Variants in RASA1 observed in about 807,000 individuals in gnomAD.
RASA1 encodes ras GTPase-activating protein 1.
A neutral mutation model predicts 132.2 loss-of-function variants in RASA1; 25 were observed. That is an observed-to-expected ratio of 0.19 (90% CI 0.14 to 0.26). The LOEUF (loss-of-function observed/expected upper bound fraction) is 0.26, where lower values mean the gene tolerates loss of function less well. RASA1 is among the 10% of genes least tolerant of loss of function. The pLI, the probability that RASA1 is intolerant of heterozygous loss-of-function variation, is 1.00. For synonymous variants in RASA1, 477 were observed against 449.9 expected, an observed-to-expected ratio of 1.06 and a Z score of -0.76; for missense variants, 964 against 1,299.2, an observed-to-expected ratio of 0.74 and a Z score of 3.97.
chr5:87,268,344 G>T lies in RASA1; in HGVS notation c.-108G>T. The stretch of plus-strand genomic sequence containing the variant: ...CTTTTGTTGTTGTTTCCTCAGCCTG[G>T]GGAGCTGAAGGGGAGACGCGTCTGG... On this transcript the variant is annotated 5_prime_UTR_variant, in exon 1 of 25. Coordinates refer to ENST00000274376, the MANE Select transcript of RASA1 (RefSeq NM_002890.3). 7.6e-7 allele frequency: 1 copy of T among 1,318,572 alleles called. No individual in the cohort carries two copies. Among genetic ancestry groups the T allele is most frequent in the South Asian group, 1.6e-5 (1 of 63,436 alleles). The allele number at this position is 1,318,572 out of a possible 1,614,324, so 81.7% of individuals were successfully genotyped here.
At chr5:87,341,346 T>G in intron 6 of RASA1, 25 bp downstream of exon 6, 1 of 1,234,186 alleles carries the variant, frequency 8.1e-7, no homozygotes, top group Non-Finnish European at 1.0e-6. Context: ...ATTATTAAAA[T>G]GAAAAAAAAA....
chr5:87,385,697 C>T (rs564262562), intron 22 of RASA1, among the ~76,000 whole-genome samples: 46 of 152,064 alleles, frequency 3.0e-4, no homozygotes, highest in African/African-American at 1.0e-3. Context: ...AAATTTATTT[C>T]ACAAACATTC....
intron 21 of RASA1, 32 bp downstream of exon 21, chr5:87,383,812 A>G: frequency 6.4e-6 from 10 of 1,551,008 alleles, no homozygotes; most frequent in Non-Finnish European, 8.9e-6. Flanking sequence ...TTGAAATTCA[A>G]AATATTAGAA....
At chr5:87,296,932 C>T (rs1316382989) in intron 1 of RASA1, among the ~76,000 whole-genome samples, 1 of 151,882 alleles carries the variant, frequency 6.6e-6, no homozygotes, top group African/African-American at 2.4e-5. Flanking sequence ...TCCTACAGTT[C>T]TTGAATGTTC....
chr5:87,290,651 C>T (rs2112266891), intron 1 of RASA1, among the ~76,000 whole-genome samples: 1 of 152,248 alleles, frequency 6.6e-6, no homozygotes, highest in East Asian at 1.9e-4. Context: ...GTTCATTCTT[C>T]CTTCCCCCTT....
At chr5:87,316,464 C>G (rs370363708) in intron 1 of RASA1, among the ~76,000 whole-genome samples, 1 of 152,188 alleles carries the variant, frequency 6.6e-6, no homozygotes, top group East Asian at 1.9e-4. Flanking sequence ...ACCAAAGGTT[C>G]TTCTTCATTT....
At chr5:87,389,689 C>T (rs759526751) in intron 24 of RASA1, among the ~76,000 whole-genome samples, 162 bp downstream of exon 24, 3 of 152,142 alleles carry the variant, frequency 2.0e-5, no homozygotes, top group Admixed American at 2.0e-4. Context: ...ATAACGGGCC[C>T]CGACTAAAAT....
At chr5:87,329,420 C>T (rs564667019) in intron 1 of RASA1, among the ~76,000 whole-genome samples, 10 of 151,860 alleles carry the variant, frequency 6.6e-5, no homozygotes, top group African/African-American at 1.9e-4. Context: ...CCAGCCTGGG[C>T]GACAGAGTGA....
At chr5:87,383,615 A>G (rs901028569) in intron 20 of RASA1, 98 bp from the exon 21 acceptor site, 5 of 885,604 alleles carry the variant, frequency 5.6e-6, no homozygotes, top group Admixed American at 5.3e-5. Context: ...TATGGGTTCT[A>G]TGAGTACTAA....
intron 4 of RASA1, among the ~76,000 whole-genome samples, chr5:87,334,572 T>G (rs1490609547): frequency 6.6e-6 from 1 of 152,216 alleles, no homozygotes; most frequent in Non-Finnish European, 1.5e-5. Context: ...AGACATAACT[T>G]GCCTTTTTCA....
rs559627780 is a variant in RASA1, at chr5:87,276,299, G to A, written c.539+7309G>A. On this transcript the variant is annotated intron_variant, in intron 1 of 24. Transcript: ENST00000274376. The stretch of plus-strand genomic sequence containing the variant: ...ATTTTAAACCAAAAATACTGAATAC[G>A]GATGTTGTTTATTGTTTGAATATGC... Among the ~76,000 whole-genome samples the A allele has an allele frequency of 3.9e-5, 6 of 152,226 alleles. No individual in the cohort carries two copies. The South Asian group carries it at 1.0e-3, about 26-fold the overall frequency.
At chr5:87,348,892 T>C (rs1759054966) in intron 7 of RASA1, among the ~76,000 whole-genome samples, 1 of 152,034 alleles carries the variant, frequency 6.6e-6, no homozygotes, top group South Asian at 2.1e-4. Context: ...TTAGCCAGTA[T>C]TCCCTAACTA....
In RASA1 at chr5:87,376,427, A is replaced by G. The variant is rs1761331187; in HGVS notation, c.2046A>G (p.Lys682=). 1.6e-5 allele frequency: 26 copies of G among 1,614,040 alleles called. No homozygotes were observed. The highest frequency in any genetic ancestry group is 2.0e-5 in the Non-Finnish European group (24 of 1,179,976). ...GCTGCCAGTTGAGCCGATTACAGAA[A>G]GGGCATGCCACAGATGAATGGTTTC... ...FMRCQLSRLQ[K]GHATDEWFLL... The change falls in exon 16 of 25, where the codon AAA becomes AAG. Residue 682 remains lysine (K), a synonymous_variant. Coordinates refer to ENST00000274376, the MANE Select transcript of RASA1 (RefSeq NM_002890.3).
At chr5:87,347,879 G>T (rs1282844713) in intron 7 of RASA1, among the ~76,000 whole-genome samples, 1 of 151,942 alleles carries the variant, frequency 6.6e-6, no homozygotes, top group East Asian at 1.9e-4. Context: ...GTACCACCAA[G>T]TACTTGAGGT....
intron 1 of RASA1, among the ~76,000 whole-genome samples, chr5:87,283,760 A>G (rs1754423331): frequency 6.6e-6 from 1 of 152,098 alleles, no homozygotes; most frequent in Admixed American, 6.6e-5. Flanking sequence ...TTTAACTACT[A>G]TGCTACATTC....
At chr5:87,321,986 T>C (rs1296201046) in intron 1 of RASA1, among the ~76,000 whole-genome samples, 1 of 152,156 alleles carries the variant, frequency 6.6e-6, no homozygotes, top group East Asian at 1.9e-4. Context: ...AATAAAAGAC[T>C]ATAACAAGGG....
intron 2 of RASA1, among the ~76,000 whole-genome samples, chr5:87,332,052 G>A (rs1056843493): frequency 3.3e-5 from 5 of 152,024 alleles, no homozygotes; most frequent in African/African-American, 1.2e-4. Flanking sequence ...AAATGTTTGT[G>A]TACCCTTGGT....
At chr5:87,337,632 T>A (rs1758066983) in intron 4 of RASA1, among the ~76,000 whole-genome samples, 1 of 152,114 alleles carries the variant, frequency 6.6e-6, no homozygotes, top group African/African-American at 2.4e-5. Flanking sequence ...TCAATTCAGT[T>A]TTCTTGTAGT....
At chr5:87,377,135 A>G (rs1356097736) in intron 17 of RASA1, 95 bp downstream of exon 17, 1 of 1,441,218 alleles carries the variant, frequency 6.9e-7, no homozygotes, top group East Asian at 2.3e-5. Flanking sequence ...CTAAATTGTT[A>G]AATTATATTG....
Sources: gnomAD v4.1 joint callset for allele counts (sites outside exome capture counted in the v4.1 genomes callset) on GRCh38, gnomAD v4.1.1 for gene constraint, MANE v1.5 for transcripts, NCBI Gene and HGNC (gene_info 2026-07-23, HGNC 2026-07-21) for gene names.